Variants in DAZL observed in about 807,000 individuals in gnomAD.
DAZL encodes deleted in azoospermia like.
In DAZL, 4 loss-of-function variants were observed where a neutral mutation model predicts 45.0. The observed-to-expected ratio is 0.09, with a 90% confidence interval of 0.04 to 0.20. The LOEUF (loss-of-function observed/expected upper bound fraction) is 0.20. DAZL is among the 10% of genes least tolerant of loss of function. The probability of loss-of-function intolerance (pLI) is 1.00; values close to 1 mark genes in which losing one functional copy is unlikely to be tolerated. For missense variants in DAZL, 326 were observed against 351.3 expected, an observed-to-expected ratio of 0.93 and a Z score of 0.58; for synonymous variants, 122 against 112.4, an observed-to-expected ratio of 1.09 and a Z score of -0.54.
At chr3:16,598,417 C>T in intron 2 of DAZL, 35 bp downstream of exon 2, 1 of 1,600,066 alleles carries the variant, frequency 6.2e-7, no homozygotes, top group Non-Finnish European at 8.5e-7. Flanking sequence ...ATTCATAATG[C>T]ATTTCAAGGT....
chr3:16,589,691 C>T (rs899015861), intron 10 of DAZL, among the ~76,000 whole-genome samples: 12 of 152,086 alleles, frequency 7.9e-5, no homozygotes, highest in African/African-American at 2.9e-4. Context: ...ACTTCTGATT[C>T]GTCTCCCAAA....
rs1201672043 is a variant in DAZL, at chr3:16,588,623, C to T, written c.*37G>A. On this transcript the variant is annotated 3_prime_UTR_variant, in exon 11 of 11. Transcript: ENST00000399444. ...AAACCTTTTAGCTTAATATTCAAAA[C>T]CAGCAACTTCCCATGTAACTAGATA... 6.5e-7 allele frequency: 1 copy of T among 1,549,556 alleles called. No homozygotes were observed. The highest frequency in any genetic ancestry group is 1.4e-5 in the African/African-American group (1 of 73,724).
intron 1 of DAZL, 57 bp from the exon 2 acceptor site, chr3:16,598,655 T>C: frequency 1.3e-6 from 2 of 1,513,170 alleles, no homozygotes; most frequent in South Asian, 1.2e-5. Context: ...CTATACATAA[T>C]GTGAAATATA....
rs1197697301 is a variant in DAZL, at chr3:16,587,162, G to A, written c.*1498C>T. On this transcript the variant is annotated 3_prime_UTR_variant, in exon 11 of 11. Coordinates refer to ENST00000399444, the MANE Select transcript of DAZL (RefSeq NM_001351.4). Reference sequence around the variant, plus strand: ...TCTGAGGTGTAATAAAGCCCTCTTGGGAATTCTAAAGTTAAAAGACTCTCT... The same window carrying A: ...TCTGAGGTGTAATAAAGCCCTCTTGAGAATTCTAAAGTTAAAAGACTCTCT... The A allele has an allele frequency of 1.3e-5, 2 of 152,016 alleles. No individual in the cohort carries two copies. The highest frequency in any genetic ancestry group is 2.9e-5 in the Non-Finnish European group (2 of 67,990). The allele number at this position is 152,016 out of a possible 1,614,324, so 9.4% of individuals were successfully genotyped here. A position where few individuals can be genotyped will look rare whatever the true frequency, so the allele number is the denominator to read the frequency against.
chr3:16,604,760 T>G (rs918969513), intron 1 of DAZL: 11 of 1,347,374 alleles, frequency 8.2e-6, no homozygotes, highest in African/African-American at 7.5e-5. Context: ...GCGCCAGAAA[T>G]GAGGCTGGCG....
In DAZL at chr3:16,587,603, C is replaced by T. The variant is rs1477755851; in HGVS notation, c.*1057G>A. The T allele has an allele frequency of 6.6e-6, 1 of 152,572 alleles. No individual in the cohort carries two copies. The highest frequency in any genetic ancestry group is 1.5e-5 in the Non-Finnish European group (1 of 68,040). 9.5% of individuals were successfully genotyped at this position (152,572 alleles called of 1,614,324 possible). A position where few individuals can be genotyped will look rare whatever the true frequency, so the allele number is the denominator to read the frequency against. ...GACACCAGCTAATCTAGAAACAATG[C>T]TAACTTTTAACTCTAGCACATTCTT... On this transcript the variant is annotated 3_prime_UTR_variant, in exon 11 of 11. Coordinates refer to ENST00000399444, the MANE Select transcript of DAZL (RefSeq NM_001351.4).
In DAZL at chr3:16,594,568, G is replaced by A; in HGVS notation, c.586C>T (p.Pro196Ser). 6.3e-7 allele frequency: 1 copy of A among 1,580,234 alleles called. No individual in the cohort carries two copies. Among genetic ancestry groups the A allele is most frequent in the South Asian group, 1.2e-5 (1 of 83,554 alleles). Residue 196 changes from proline (P) to serine (S), a missense_variant, in exon 8 of 11, where the codon CCT becomes TCT. By Grantham distance (74) the Pro-to-Ser change is moderately conservative. This residue lies in a region of DAZL where 227 missense variants were observed against 216.6 expected (regional missense o/e 1.05). Coordinates refer to ENST00000399444, the MANE Select transcript of DAZL (RefSeq NM_001351.4). ...VYNYQMPPQW[P>S]VGEQRSYVVP... ...ACATAGCTCCTTTGCTCCCCAACAG[G>A]CCACTGTGGTGGCATCTTAAAAAAA...
Position 16,588,504 on chromosome 3 carries a change from AAC to A in DAZL, c.*154_*155del. Reference sequence around the variant, plus strand: ...GTTTCTAAATAAACATCTAATGAAGAACAGTTTAAGATAAAACTAGAGAGTCT... The same window carrying A: ...GTTTCTAAATAAACATCTAATGAAGAAGTTTAAGATAAAACTAGAGAGTCT... On this transcript the variant is annotated 3_prime_UTR_variant, in exon 11 of 11. Transcript: ENST00000399444. 1.5e-6 allele frequency: 1 copy of A among 649,976 alleles called. No individual in the cohort carries two copies. Among genetic ancestry groups the A allele is most frequent in the South Asian group, 1.8e-5 (1 of 55,044 alleles). The allele number at this position is 649,976 out of a possible 1,614,324, so 40.3% of individuals were successfully genotyped here. A position where few individuals can be genotyped will look rare whatever the true frequency, so the allele number is the denominator to read the frequency against.
chr3:16,592,430 T>C (rs1559401634), intron 9 of DAZL, among the ~76,000 whole-genome samples: 1 of 151,748 alleles, frequency 6.6e-6, no homozygotes, highest in African/African-American at 2.4e-5. Context: ...CAGCTGGGCA[T>C]AGTGGCGGGT....
chr3:16,598,049 G>A (rs375559274), intron 3 of DAZL, 38 bp downstream of exon 3: 72 of 1,447,116 alleles, frequency 5.0e-5, no homozygotes, highest in Non-Finnish European at 6.5e-5. Context: ...TACTCTATAC[G>A]TGGCTAGAGT....
At chr3:16,589,037 C>G (rs1391150277) in intron 10 of DAZL, among the ~76,000 whole-genome samples, 1 of 152,102 alleles carries the variant, frequency 6.6e-6, no homozygotes. Flanking sequence ...GTCCCAAAGA[C>G]AGCTGGTAGA....
intron 1 of DAZL, among the ~76,000 whole-genome samples, chr3:16,599,915 G>A (rs1203105799): frequency 6.6e-6 from 1 of 152,096 alleles, no homozygotes; most frequent in Non-Finnish European, 1.5e-5. Context: ...AAGGAAATGA[G>A]ATAACATCTG....
intron 9 of DAZL, among the ~76,000 whole-genome samples, chr3:16,593,296 T>G (rs1168302510): frequency 1.3e-5 from 2 of 152,222 alleles, no homozygotes. Flanking sequence ...AAATTTGGGC[T>G]ATCTGAAATT....
chr3:16,595,697 T>C (rs545806643), intron 6 of DAZL, among the ~76,000 whole-genome samples: 11 of 152,046 alleles, frequency 7.2e-5, no homozygotes, highest in Admixed American at 2.6e-4. Context: ...TAAGGCTCTA[T>C]TCAGACAGAC....
chr3:16,596,756 A>G lies in DAZL; in HGVS notation c.492T>C (p.Tyr164=), dbSNP rs1454378523. 1 of 1,613,618 alleles carries G rather than the reference A, an allele frequency of 6.2e-7. No homozygotes were observed. The highest frequency in any genetic ancestry group is 8.5e-7 in the Non-Finnish European group (1 of 1,179,680). Residue 164 remains tyrosine (Y), a synonymous_variant, in exon 6 of 11, where the codon TAT becomes TAC. Transcript: ENST00000399444. ...PTTTMNPITQ[Y]VQAYPTYPNS... is the part of the protein sequence containing the mutation. ...AACGTTAAGCAATTCTTACCTGAAC[A>G]TACTGAGTTATAGGATTCATCGTGG...
chr3:16,598,236 T>C lies in DAZL; in HGVS notation c.151-58A>G, dbSNP rs1485508724. 3 of 1,497,000 alleles carry C rather than the reference T, an allele frequency of 2.0e-6. No homozygotes were observed. In the Admixed American group the frequency reaches 5.1e-5, roughly 25 times the overall value. The allele number at this position is 1,497,000 out of a possible 1,614,324, so 92.7% of individuals were successfully genotyped here. A position where few individuals can be genotyped will look rare whatever the true frequency, so the allele number is the denominator to read the frequency against. On this transcript the variant is annotated intron_variant, in intron 2 of 10. Coordinates refer to ENST00000399444, the MANE Select transcript of DAZL (RefSeq NM_001351.4). ...ATTCAGCATTCAAAAATTTTAATTT[T>C]ACTAAAAGAAGGTTCGATGATGTGA...
intron 1 of DAZL, chr3:16,604,815 T>G (rs924290557): frequency 5.1e-6 from 4 of 784,710 alleles, no homozygotes; most frequent in South Asian, 2.3e-5. Context: ...GGCGCGTGAG[T>G]GGGGGAGCGC....
chr3:16,597,572 C>G, intron 3 of DAZL, 31 bp from the exon 4 acceptor site: 1 of 1,335,762 alleles, frequency 7.5e-7, no homozygotes, highest in Non-Finnish European at 1.1e-6. Flanking sequence ...AGTATAAAAT[C>G]ACCATCATAC....
chr3:16,592,246 T>A, intron 9 of DAZL, 98 bp from the exon 10 acceptor site: 1 of 1,523,084 alleles, frequency 6.6e-7, no homozygotes, highest in South Asian at 1.2e-5. Flanking sequence ...TTACTTTATT[T>A]CTAAAGAAAT....
Sources: gnomAD v4.1 joint callset for allele counts (sites outside exome capture counted in the v4.1 genomes callset) on GRCh38, gnomAD v4.1.1 for gene constraint, gnomAD v4.1.1 regional missense constraint, MANE v1.5 for transcripts, NCBI Gene and HGNC (gene_info 2026-07-23, HGNC 2026-07-21) for gene names.